SMYD1: variants seen among roughly 807,000 people sequenced by gnomAD.
SMYD1 encodes the protein histone-lysine N-methyltransferase SMYD1.
In SMYD1, 49 loss-of-function variants were observed where a neutral mutation model predicts 54.0. The ratio of observed to expected loss-of-function variants is 0.91; its 90% CI spans 0.72 to 1.15. SMYD1 has a LOEUF of 1.15. SMYD1 is among the 50% of genes most tolerant of loss of function. The probability of loss-of-function intolerance (pLI) is 0.00; values close to 1 mark genes in which losing one functional copy is unlikely to be tolerated. For missense variants in SMYD1, 653 were observed against 639.6 expected (o/e 1.02, Z -0.23); for synonymous variants, 269 against 234.2 (o/e 1.15, Z -1.36).
chr2:88,087,663 A>T (rs1219646822), intron 2 of SMYD1, among the ~76,000 whole-genome samples, 199 bp from the exon 3 acceptor site: 3 of 152,104 alleles, frequency 2.0e-5, no homozygotes, highest in Non-Finnish European at 4.4e-5. Context: ...TCTGCATAGC[A>T]CTTTCTATGT....
intron 1 of SMYD1, among the ~76,000 whole-genome samples, chr2:88,075,171 A>C (rs1304040126): frequency 6.6e-6 from 1 of 152,244 alleles, no homozygotes; most frequent in Non-Finnish European, 1.5e-5. Context: ...TGGCACTTTT[A>C]GCTGCAGAGG....
chr2:88,072,773 G>T (rs1673977882), intron 1 of SMYD1, among the ~76,000 whole-genome samples: 1 of 152,046 alleles, frequency 6.6e-6, no homozygotes, highest in Non-Finnish European at 1.5e-5. Context: ...GGATTATTTT[G>T]TAACCTGTTT....
rs1399245261 is a variant in SMYD1, at chr2:88,093,701, C to A, written c.698+146C>A. The A allele has an allele frequency of 7.9e-6, 7 of 886,278 alleles. No homozygotes were observed. The Admixed American group carries it at 1.0e-4, about 13-fold the overall frequency. 54.9% of individuals were successfully genotyped at this position (886,278 alleles called of 1,614,324 possible). ...ATCCCAGTGTCTCATCTTTTTAATG[C>A]ATTTAAATTAACCATTTTTTCCTTA... is the stretch of plus-strand genomic sequence containing the variant. On this transcript the variant is annotated intron_variant, in intron 5 of 9. Coordinates refer to ENST00000419482, the MANE Select transcript of SMYD1 (RefSeq NM_198274.4).
intron 9 of SMYD1, among the ~76,000 whole-genome samples, chr2:88,109,551 TG>T (rs1674962550): frequency 6.6e-6 from 1 of 152,158 alleles, no homozygotes; most frequent in Admixed American, 6.5e-5. Flanking sequence ...TTTGAAAAGC[TG>T]GTTTATTTGA....
rs553121341 is a variant in SMYD1 at position 88,080,338 on chromosome 2, T to A, written c.138-3978T>A. ...TAAAACAGAGAATTGTGAAGTGTAA[T>A]GTTTTTGTTTGGTAGGCACACATAT... On this transcript the variant is annotated intron_variant, in intron 1 of 9. Coordinates refer to ENST00000419482, the MANE Select transcript of SMYD1 (RefSeq NM_198274.4). 3.9e-5 allele frequency among the ~76,000 whole-genome samples: 6 copies of A among 152,276 alleles called. No homozygotes were observed. The East Asian group carries it at 1.2e-3, about 29-fold the overall frequency.
At chr2:88,099,905 C>T (rs1674681521) in intron 6 of SMYD1, among the ~76,000 whole-genome samples, 1 of 151,124 alleles carries the variant, frequency 6.6e-6, no homozygotes, top group African/African-American at 2.4e-5. Context: ...TCTGGCCCTC[C>T]CCTTGTCCTC....
intron 5 of SMYD1, among the ~76,000 whole-genome samples, chr2:88,094,987 C>T (rs1287988384): frequency 6.6e-6 from 1 of 152,172 alleles, no homozygotes; most frequent in Non-Finnish European, 1.5e-5. Context: ...ACCCAGGAAG[C>T]AGCCTGAAAG....
At chr2:88,109,040 C>T (rs1674950377) in intron 9 of SMYD1, among the ~76,000 whole-genome samples, 1 of 152,190 alleles carries the variant, frequency 6.6e-6, no homozygotes, top group Admixed American at 6.5e-5. Context: ...CAGGCCCCAC[C>T]TCCAACACTG....
intron 5 of SMYD1, among the ~76,000 whole-genome samples, chr2:88,096,207 G>GT (rs964230109): frequency 6.6e-6 from 1 of 152,120 alleles, no homozygotes; most frequent in African/African-American, 2.4e-5. Flanking sequence ...ATATTTTTAG[G>GT]TTTTTTCTTG....
intron 8 of SMYD1, 62 bp from the exon 9 acceptor site, chr2:88,108,309 A>G (rs1254613664): frequency 5.6e-6 from 8 of 1,424,876 alleles, no homozygotes; most frequent in African/African-American, 4.4e-5. Flanking sequence ...ATACATTATT[A>G]AATTAAGTGC....
rs2289497 is a variant in SMYD1, at chr2:88,110,583, C to G, written c.*71C>G. On this transcript the variant is annotated 3_prime_UTR_variant, in exon 10 of 10. Transcript: ENST00000419482. ...GAGACTCTGGAGGTGGTGGGTCTCT[C>G]GGGAGACCCCTAATGAGGAAGTTGA... is the stretch of plus-strand genomic sequence containing the variant. 1,028,710 of 1,461,158 alleles carry G rather than the reference C, an allele frequency of 0.7. 363,423 individuals are homozygous for G. Among genetic ancestry groups the G allele is most frequent in the South Asian group, 0.82 (57,430 of 70,444 alleles). The allele number at this position is 1,461,158 out of a possible 1,614,324, so 90.5% of individuals were successfully genotyped here.
chr2:88,084,173 C>T, intron 1 of SMYD1, 143 bp from the exon 2 acceptor site: 1 of 645,676 alleles, frequency 1.5e-6, no homozygotes, highest in Non-Finnish European at 2.4e-6. Context: ...GCTCAAACTC[C>T]TCATTTTGGA....
At chr2:88,104,452 C>T (rs1674809631) in intron 7 of SMYD1, among the ~76,000 whole-genome samples, 2 of 152,204 alleles carry the variant, frequency 1.3e-5, no homozygotes, top group Admixed American at 1.3e-4. Flanking sequence ...CTGTCAGAGG[C>T]ACGAGGTGGG....
intron 1 of SMYD1, among the ~76,000 whole-genome samples, chr2:88,069,519 G>C (rs1024639628): frequency 6.6e-6 from 1 of 152,130 alleles, no homozygotes; most frequent in Non-Finnish European, 1.5e-5. Context: ...AGAAACACAG[G>C]GACTGTCAAC....
chr2:88,078,147 C>T (rs1277531179), intron 1 of SMYD1, among the ~76,000 whole-genome samples: 1 of 152,144 alleles, frequency 6.6e-6, no homozygotes. Context: ...AGGAGCTCAG[C>T]GATCAACCTG....
chr2:88,072,017 AC>A lies in SMYD1; in HGVS notation c.137+4020del, dbSNP rs767406077. Among the ~76,000 whole-genome samples the A allele has an allele frequency of 6.2e-3, 862 of 140,126 alleles. 2 individuals are homozygous for A. Among genetic ancestry groups the A allele is most frequent in the South Asian group, 0.011 (46 of 4,282 alleles). 91.9% of individuals were successfully genotyped at this position (140,126 alleles called of 152,430 possible). On this transcript the variant is annotated intron_variant, in intron 1 of 9. Transcript: ENST00000419482. ...CTTAACATTTGGAAAAAAAAAAAAA[AC>A]CCCAGCTATTAACATTCTGGTGTAT...
Position 88,084,408 on chromosome 2 carries a change from C to T in SMYD1, c.230C>T (p.Thr77Ile), listed in dbSNP as rs1314099546. ...QCKFAHYCDRTCQKDAWLNHK... is the reference protein window; with the variant it reads ...QCKFAHYCDRICQKDAWLNHK... ...AAGTTTGCCCATTACTGCGACCGCA[C>T]CTGCCAGAAGGATGCTTGGCTGAAC... Residue 77 changes from threonine (T) to isoleucine (I), a missense_variant, in exon 2 of 10, where the codon ACC becomes ATC. Thr to Ile is a moderately conservative substitution (Grantham distance 89). Coordinates refer to ENST00000419482, the MANE Select transcript of SMYD1 (RefSeq NM_198274.4). 26 of 1,609,152 alleles carry T rather than the reference C, an allele frequency of 1.6e-5. No homozygotes were observed. Among genetic ancestry groups the T allele is most frequent in the Non-Finnish European group, 2.1e-5 (25 of 1,176,026 alleles).
At chr2:88,107,722 G>A (rs1194398477) in intron 8 of SMYD1, among the ~76,000 whole-genome samples, 1 of 152,194 alleles carries the variant, frequency 6.6e-6, no homozygotes, top group Non-Finnish European at 1.5e-5. Flanking sequence ...GAGGCTCCAT[G>A]GGTGTAGGAC....
intron 3 of SMYD1, among the ~76,000 whole-genome samples, chr2:88,088,564 G>C (rs1177266971): frequency 6.6e-6 from 1 of 152,166 alleles, no homozygotes; most frequent in Non-Finnish European, 1.5e-5. Context: ...TGCTGTATCT[G>C]AATTGGCATC....
Sources: gnomAD v4.1 joint callset for allele counts (sites outside exome capture counted in the v4.1 genomes callset) on GRCh38, gnomAD v4.1.1 for gene constraint, MANE v1.5 for transcripts, NCBI Gene and HGNC (gene_info 2026-07-23, HGNC 2026-07-21) for gene names.